NRG1: variants seen among roughly 807,000 people sequenced by gnomAD.
NRG1 encodes the protein pro-neuregulin-1, membrane-bound isoform.
Under a neutral mutation model 63.8 loss-of-function variants are expected in NRG1, and 18 were observed. The ratio of observed to expected loss-of-function variants is 0.28; its 90% CI spans 0.19 to 0.42. NRG1 has a LOEUF of 0.42. NRG1 is among the 10% of genes least tolerant of loss of function. The probability of loss-of-function intolerance (pLI) is 1.00; values close to 1 mark genes in which losing one functional copy is unlikely to be tolerated. For synonymous variants in NRG1, 302 were observed against 301.3 expected, an observed-to-expected ratio of 1.00 and a Z score of -0.02; for missense variants, 762 against 814.7, an observed-to-expected ratio of 0.94 and a Z score of 0.79.
chr8:31,758,473 C>A (rs987563657), intron 1 of NRG1, among the ~76,000 whole-genome samples: 38 of 152,114 alleles, frequency 2.5e-4, no homozygotes, highest in African/African-American at 8.4e-4. Flanking sequence ...CTCAAATGCC[C>A]ATCAATGATA....
chr8:31,747,682 T>C (rs1816030265), intron 1 of NRG1, among the ~76,000 whole-genome samples: 1 of 151,946 alleles, frequency 6.6e-6, no homozygotes, highest in African/African-American at 2.4e-5. Context: ...CTTGGCCATG[T>C]TAGTTGGCTT....
chr8:31,874,482 A>G (rs1218926886), intron 1 of NRG1, among the ~76,000 whole-genome samples: 1 of 152,164 alleles, frequency 6.6e-6, no homozygotes, highest in African/African-American at 2.4e-5. Flanking sequence ...TTACTTTTGC[A>G]TCAACCTAAT....
At chr8:32,757,410 C>T (rs571437174) in intron 9 of NRG1, among the ~76,000 whole-genome samples, 1 of 152,158 alleles carries the variant, frequency 6.6e-6, no homozygotes, top group Non-Finnish European at 1.5e-5. Context: ...TATTGTAGTA[C>T]CATTTTCTAT....
At chr8:32,741,403 T>A (rs1826278776) in intron 6 of NRG1, among the ~76,000 whole-genome samples, 1 of 152,194 alleles carries the variant, frequency 6.6e-6, no homozygotes, top group African/African-American at 2.4e-5. Context: ...TTGATAAAAA[T>A]CTGCTTCTAG....
chr8:32,072,198 CAGT>C (rs2131045708), intron 1 of NRG1, among the ~76,000 whole-genome samples: 1 of 147,994 alleles, frequency 6.8e-6, no homozygotes, highest in African/African-American at 2.5e-5. Context: ...AAGCACTTTT[CAGT>C]ATAGAATTGC....
chr8:31,761,710 G>A (rs1272312270), intron 1 of NRG1, among the ~76,000 whole-genome samples: 1 of 152,056 alleles, frequency 6.6e-6, no homozygotes, highest in African/African-American at 2.4e-5. Context: ...AGCCATTATG[G>A]TAGTAACATG....
At chr8:32,658,246 A>G (rs1184664935) in intron 5 of NRG1, among the ~76,000 whole-genome samples, 1 of 152,206 alleles carries the variant, frequency 6.6e-6, no homozygotes, top group East Asian at 1.9e-4. Context: ...TCATTCTTCA[A>G]GATTGCTGAG....
intron 1 of NRG1, among the ~76,000 whole-genome samples, chr8:32,340,309 C>T (rs1803905546): frequency 6.6e-6 from 1 of 152,258 alleles, no homozygotes; most frequent in Non-Finnish European, 1.5e-5. Context: ...ATGACAGGTG[C>T]AATTCTGGCC....
At chr8:32,739,639 T>G (rs1338710247) in intron 6 of NRG1, among the ~76,000 whole-genome samples, 4 of 152,220 alleles carry the variant, frequency 2.6e-5, no homozygotes, top group Non-Finnish European at 4.4e-5. Flanking sequence ...TCCCTTTACC[T>G]AGTTGTCTTG....
intron 1 of NRG1, among the ~76,000 whole-genome samples, chr8:32,469,665 T>C (rs1176728968): frequency 6.6e-6 from 1 of 152,134 alleles, no homozygotes; most frequent in Non-Finnish European, 1.5e-5. Flanking sequence ...TAAAAGGAAA[T>C]TTATAAATTT....
chr8:31,975,761 T>C (rs1808060851), intron 1 of NRG1, among the ~76,000 whole-genome samples: 1 of 152,172 alleles, frequency 6.6e-6, no homozygotes, highest in African/African-American at 2.4e-5. Context: ...TGTGTCCCTG[T>C]AGTTAACAAT....
At position 32,413,476 on chromosome 8, in the gene NRG1, G is replaced by A. The variant is rs574127648; in HGVS notation, c.38-182352G>A. On this transcript the variant is annotated intron_variant, in intron 1 of 10. Transcript: ENST00000519301. ...ATTCCATTTTTACTTCTATTCTGAA[G>A]CAGAAAAAGGAGATTAGATAAAAAC... 2.0e-5 allele frequency among the ~76,000 whole-genome samples: 3 copies of A among 152,250 alleles called. No individual in the cohort carries two copies. In the South Asian group the frequency reaches 6.2e-4, roughly 32 times the overall value.
At chr8:32,124,355 T>C (rs1286422388) in intron 1 of NRG1, among the ~76,000 whole-genome samples, 1 of 151,910 alleles carries the variant, frequency 6.6e-6, no homozygotes, top group Non-Finnish European at 1.5e-5. Context: ...TAGAAGATTC[T>C]CCAAGCCTGA....
chr8:32,743,108 C>T (rs1247000588), intron 7 of NRG1: 1 of 1,012,478 alleles, frequency 9.9e-7, no homozygotes, highest in East Asian at 9.1e-5. Flanking sequence ...CTTCTTTATA[C>T]AATGACCACA....
At chr8:32,189,944 AC>A (rs1842327569) in intron 1 of NRG1, among the ~76,000 whole-genome samples, 1 of 152,198 alleles carries the variant, frequency 6.6e-6, no homozygotes, top group African/African-American at 2.4e-5. Flanking sequence ...AATGAATGAT[AC>A]ATTCTGTTGA....
intron 5 of NRG1, among the ~76,000 whole-genome samples, chr8:32,686,989 C>CT (rs1160076138): frequency 3.3e-5 from 5 of 152,178 alleles, no homozygotes. Flanking sequence ...TGTATGGTAT[C>CT]TTGCATGCTA....
At chr8:32,426,443 A>G (rs1350062250) in intron 1 of NRG1, among the ~76,000 whole-genome samples, 1 of 152,252 alleles carries the variant, frequency 6.6e-6, no homozygotes, top group Non-Finnish European at 1.5e-5. Context: ...TGTAATTCAT[A>G]AACAATTCCT....
chr8:31,746,169 G>A (rs1188455972), intron 1 of NRG1, among the ~76,000 whole-genome samples: 4 of 151,776 alleles, frequency 2.6e-5, no homozygotes, highest in Non-Finnish European at 5.9e-5. Context: ...ATTTTGGTTT[G>A]GAGAGAACAA....
intron 1 of NRG1, among the ~76,000 whole-genome samples, chr8:31,947,301 C>T (rs1802714827): frequency 1.5e-5 from 2 of 130,266 alleles, no homozygotes; most frequent in Non-Finnish European, 3.0e-5. Flanking sequence ...AGTGAGACTC[C>T]GTCTCAAAAA....
Sources: gnomAD v4.1 joint callset for allele counts (sites outside exome capture counted in the v4.1 genomes callset) on GRCh38, gnomAD v4.1.1 for gene constraint, MANE v1.5 for transcripts, NCBI Gene and HGNC (gene_info 2026-07-23, HGNC 2026-07-21) for gene names.